FMN1: variants seen among roughly 807,000 people sequenced by gnomAD.
The protein encoded by FMN1 is formin-1.
Under a neutral mutation model 132.4 loss-of-function variants are expected in FMN1, and 110 were observed. The ratio of observed to expected loss-of-function variants is 0.83; its 90% CI spans 0.71 to 0.97. The LOEUF (loss-of-function observed/expected upper bound fraction) is 0.97, where lower values mean the gene tolerates loss of function less well. FMN1 is among the 50% of genes least tolerant of loss of function. FMN1 has a pLI of 0.00. For synonymous variants in FMN1, 722 were observed against 651.7 expected, an observed-to-expected ratio of 1.11 and a Z score of -1.64; for missense variants, 1,792 against 1,705.3, an observed-to-expected ratio of 1.05 and a Z score of -0.90.
intron 6 of FMN1, among the ~76,000 whole-genome samples, chr15:33,029,732 G>C (rs1236655180): frequency 6.6e-6 from 1 of 152,176 alleles, no homozygotes; most frequent in East Asian, 1.9e-4. Flanking sequence ...AAGACAGCAA[G>C]AGCTGACAGA....
At chr15:33,001,053 C>G (rs1417495841) in intron 7 of FMN1, among the ~76,000 whole-genome samples, 1 of 152,132 alleles carries the variant, frequency 6.6e-6, no homozygotes, top group Non-Finnish European at 1.5e-5. Context: ...GAGGCCGAGA[C>G]GGGTGGATCA....
intron 4 of FMN1, among the ~76,000 whole-genome samples, chr15:33,140,345 C>A (rs548831351): frequency 7.4e-6 from 1 of 135,878 alleles, no homozygotes; most frequent in Admixed American, 7.8e-5. Flanking sequence ...TAAAGTTACC[C>A]TTGAACTAAT....
intron 7 of FMN1, among the ~76,000 whole-genome samples, chr15:32,997,878 G>A (rs1231605924): frequency 1.3e-5 from 2 of 152,144 alleles, no homozygotes; most frequent in Non-Finnish European, 2.9e-5. Context: ...AAAGAAAAGG[G>A]AAAAGAAAAG....
In FMN1 at chr15:32,968,841, G is replaced by A. The variant is rs1396319251; in HGVS notation, c.2860C>T (p.Pro954Ser). Residue 954 changes from proline (P) to serine (S), a missense_variant, in exon 8 of 21, where the codon CCA becomes TCA. By Grantham distance (74) the Pro-to-Ser change is moderately conservative. This residue lies in a region of FMN1 where 1,150 missense variants were observed against 1,043.1 expected (regional missense o/e 1.10). Transcript: ENST00000616417. ...CCAAAGAAGAGTCCAGGGGGAGGTG[G>A]GGGTGCAAGTCCTGGGGGTGGTGGA... ...PAPPPPGLAP[P>S]PPPGLFFGLG... is the part of the protein sequence containing the mutation. 2.5e-6 allele frequency: 4 copies of A among 1,605,646 alleles called. No homozygotes were observed. The highest frequency in any genetic ancestry group is 2.7e-5 in the African/African-American group (2 of 73,850).
chr15:33,125,901 G>A (rs773575324), intron 4 of FMN1, among the ~76,000 whole-genome samples: 1 of 152,118 alleles, frequency 6.6e-6, no homozygotes, highest in African/African-American at 2.4e-5. Context: ...ATAGCCTATT[G>A]AAAAGTGCCA....
chr15:33,173,958 G>GAAAT (rs35385066), intron 3 of FMN1, among the ~76,000 whole-genome samples: 12,094 of 151,828 alleles, frequency 0.08, 701 homozygotes, highest in African/African-American at 0.16. Flanking sequence ...AAGAAAGAAA[G>GAAAT]AAACTTCAGG....
At chr15:32,891,176 G>T (rs1403106741) in intron 15 of FMN1, among the ~76,000 whole-genome samples, 1 of 152,232 alleles carries the variant, frequency 6.6e-6, no homozygotes, top group Non-Finnish European at 1.5e-5. Context: ...CAGGTAGTGT[G>T]ATGCCTCCAA....
At chr15:33,059,762 A>T (rs1427815256) in intron 6 of FMN1, among the ~76,000 whole-genome samples, 1 of 152,192 alleles carries the variant, frequency 6.6e-6, no homozygotes, top group African/African-American at 2.4e-5. Context: ...TAAATGACCT[A>T]AGATGTTTGC....
At chr15:33,110,636 GCTT>G (rs371797310) in intron 4 of FMN1, among the ~76,000 whole-genome samples, 153 of 151,540 alleles carry the variant, frequency 1.0e-3, no homozygotes, top group African/African-American at 3.2e-3. Context: ...TCACATTGAC[GCTT>G]CTTTTTCTTT....
At chr15:33,032,311 A>G (rs2035975825) in intron 6 of FMN1, among the ~76,000 whole-genome samples, 1 of 152,260 alleles carries the variant, frequency 6.6e-6, no homozygotes, top group Non-Finnish European at 1.5e-5. Flanking sequence ...GAATATGTTC[A>G]AAGATGTAGA....
At chr15:33,060,315 G>T (rs780504199) in intron 6 of FMN1, among the ~76,000 whole-genome samples, 63 of 152,182 alleles carry the variant, frequency 4.1e-4, no homozygotes, top group Non-Finnish European at 7.8e-4. Flanking sequence ...TCAAATTATA[G>T]TAGGCCAATA....
At chr15:33,045,175 T>C (rs183985115) in intron 6 of FMN1, among the ~76,000 whole-genome samples, 4 of 152,326 alleles carry the variant, frequency 2.6e-5, no homozygotes, top group East Asian at 1.9e-4. Context: ...AGTCCAGCCA[T>C]AGCCTCGCAG....
intron 17 of FMN1, among the ~76,000 whole-genome samples, chr15:32,831,264 G>A (rs933264497): frequency 2.0e-5 from 3 of 151,920 alleles, no homozygotes; most frequent in African/African-American, 7.3e-5. Context: ...TGTCAACCAG[G>A]CTGGAGTGCA....
intron 6 of FMN1, among the ~76,000 whole-genome samples, chr15:33,029,457 T>TAGCGCTAGGAGA (rs1167375449): frequency 5.5e-4 from 83 of 152,068 alleles, no homozygotes; most frequent in African/African-American, 2.0e-3. Context: ...GAGAGTCGCG[T>TAGCGCTAGGAGA]GTAGACTAGG....
At chr15:33,142,945 T>A (rs930517325) in intron 4 of FMN1, among the ~76,000 whole-genome samples, 1 of 152,224 alleles carries the variant, frequency 6.6e-6, no homozygotes, top group African/African-American at 2.4e-5. Context: ...GTGAAGTACA[T>A]GAAACATTAA....
intron 9 of FMN1, among the ~76,000 whole-genome samples, chr15:32,939,040 A>G (rs957624048): frequency 6.6e-6 from 1 of 152,214 alleles, no homozygotes; most frequent in African/African-American, 2.4e-5. Flanking sequence ...ATCTCCACTA[A>G]GCACTGGTAT....
intron 5 of FMN1, among the ~76,000 whole-genome samples, chr15:33,086,256 A>T (rs952808146): frequency 5.2e-5 from 7 of 135,572 alleles, no homozygotes; most frequent in African/African-American, 8.3e-5. Flanking sequence ...ATCTCAAATT[A>T]AAAAAAAAAA....
chr15:32,906,417 C>T (rs761791795), intron 12 of FMN1, among the ~76,000 whole-genome samples: 41 of 152,196 alleles, frequency 2.7e-4, no homozygotes, highest in Non-Finnish European at 5.1e-4. Context: ...TGGGGCACAG[C>T]GATACCCATT....
intron 4 of FMN1, among the ~76,000 whole-genome samples, chr15:33,121,359 A>C (rs1962535462): frequency 6.6e-6 from 1 of 152,170 alleles, no homozygotes; most frequent in Non-Finnish European, 1.5e-5. Flanking sequence ...ATTCAATGCC[A>C]GTGTCAATAT....
Sources: allele counts gnomAD v4.1 joint callset (sites outside exome capture counted in the v4.1 genomes callset), GRCh38; gene constraint gnomAD v4.1.1; regional missense constraint gnomAD v4.1.1; transcripts MANE v1.5; gene names NCBI Gene and HGNC (gene_info 2026-07-23, HGNC 2026-07-21).